Variants in CACNB2 observed in about 807,000 individuals in gnomAD.
The protein encoded by CACNB2 is calcium voltage-gated channel auxiliary subunit beta 2.
CACNB2 carries 42 observed loss-of-function variants against 73.3 expected under a neutral mutation model. That is an observed-to-expected ratio of 0.57 (90% CI 0.45 to 0.74). The LOEUF (loss-of-function observed/expected upper bound fraction) is 0.74, where lower values mean the gene tolerates loss of function less well. Ranked by LOEUF, CACNB2 falls within the 30% of genes least tolerant of loss-of-function variation. CACNB2 has a pLI of 0.00. For missense variants in CACNB2, 940 were observed against 853.0 expected, an observed-to-expected ratio of 1.10 and a Z score of -1.27; for synonymous variants, 348 against 310.3, an observed-to-expected ratio of 1.12 and a Z score of -1.28.
chr10:18,478,838 G>A (rs2048573104), intron 3 of CACNB2, among the ~76,000 whole-genome samples: 1 of 152,166 alleles, frequency 6.6e-6, no homozygotes, highest in African/African-American at 2.4e-5. Flanking sequence ...AGGGGAAGCA[G>A]AAACCATTGG....
intron 12 of CACNB2, 75 bp downstream of exon 12, chr10:18,536,271 T>G: frequency 5.5e-6 from 2 of 363,706 alleles, no homozygotes; most frequent in Non-Finnish European, 9.4e-6. Context: ...TTTTTTTTTT[T>G]TTGGGGGACA....
At chr10:18,228,434 AAAAAAAAAAAAAAAAG>A (rs1416174993) in intron 2 of CACNB2, among the ~76,000 whole-genome samples, 26 of 70,264 alleles carry the variant, frequency 3.7e-4, no homozygotes, top group African/African-American at 1.5e-3. Context: ...ACTCTACCTC[AAAAAAAAAAAAAAAAG>A]AAAAAAAAAA....
At chr10:18,216,969 C>A (rs74117916) in intron 2 of CACNB2, among the ~76,000 whole-genome samples, 1 of 152,144 alleles carries the variant, frequency 6.6e-6, no homozygotes, top group Non-Finnish European at 1.5e-5. Context: ...TATTTTCTAG[C>A]AATAACCCAG....
intron 2 of CACNB2, among the ~76,000 whole-genome samples, chr10:18,191,383 T>C (rs1318889272): frequency 6.6e-6 from 1 of 152,230 alleles, no homozygotes; most frequent in African/African-American, 2.4e-5. Context: ...GCTTCTTGTT[T>C]CAGTGATTGA....
At chr10:18,352,632 C>T (rs960287914) in intron 2 of CACNB2, among the ~76,000 whole-genome samples, 8 of 152,136 alleles carry the variant, frequency 5.3e-5, no homozygotes, top group Admixed American at 1.3e-4. Context: ...TTCAAAAGTG[C>T]GTACTTAATT....
At chr10:18,196,564 C>G (rs371297203) in intron 2 of CACNB2, among the ~76,000 whole-genome samples, 1 of 152,078 alleles carries the variant, frequency 6.6e-6, no homozygotes, top group East Asian at 1.9e-4. Flanking sequence ...GTGATCTGTC[C>G]ACCTCAACCT....
chr10:18,524,976 G>A (rs1466769445), intron 9 of CACNB2, among the ~76,000 whole-genome samples: 1 of 145,500 alleles, frequency 6.9e-6, no homozygotes, highest in Non-Finnish European at 1.5e-5. Flanking sequence ...GCTGCAGTGA[G>A]CTATGATTAC....
intron 3 of CACNB2, among the ~76,000 whole-genome samples, chr10:18,490,256 T>C (rs112882630): frequency 7.2e-5 from 11 of 152,360 alleles, no homozygotes; most frequent in African/African-American, 2.4e-4. Flanking sequence ...TTTGAGGATC[T>C]GTTCGGCTTT....
At chr10:18,492,165 T>A (rs996223853) in intron 3 of CACNB2, among the ~76,000 whole-genome samples, 25 of 151,962 alleles carry the variant, frequency 1.6e-4, no homozygotes, top group Non-Finnish European at 2.9e-5. Context: ...TTATGAGAAG[T>A]CTTATCATGA....
chr10:18,208,774 A>C (rs996244859), intron 2 of CACNB2, among the ~76,000 whole-genome samples: 1 of 152,024 alleles, frequency 6.6e-6, no homozygotes, highest in African/African-American at 2.4e-5. Flanking sequence ...TGGAAAGGCA[A>C]CTCTTAAGCA....
At chr10:18,245,291 G>A (rs2036817534) in intron 2 of CACNB2, among the ~76,000 whole-genome samples, 1 of 152,096 alleles carries the variant, frequency 6.6e-6, no homozygotes, top group Admixed American at 6.5e-5. Context: ...CTGCTGTAAG[G>A]AAACCTGCAG....
intron 2 of CACNB2, among the ~76,000 whole-genome samples, chr10:18,288,045 A>T (rs1342058939): frequency 6.6e-6 from 1 of 152,048 alleles, no homozygotes; most frequent in Non-Finnish European, 1.5e-5. Flanking sequence ...CCCTCTGTGC[A>T]GGTCTGTCTC....
chr10:18,516,017 C>T (rs1367132407), intron 7 of CACNB2, among the ~76,000 whole-genome samples: 1 of 152,094 alleles, frequency 6.6e-6, no homozygotes, highest in East Asian at 1.9e-4. Context: ...GTTTTGAGAC[C>T]AGCCTGGCCA....
At chr10:18,401,173 G>A in intron 2 of CACNB2, 1 of 1,558,008 alleles carries the variant, frequency 6.4e-7, no homozygotes, top group Non-Finnish European at 8.8e-7. Flanking sequence ...AGTGAGTGCA[G>A]GTAGAGAGGG....
chr10:18,168,497 T>TTGTGTGTGTGTG lies in CACNB2; in HGVS notation c.213+17533_213+17544dup, dbSNP rs111401264. 7.0e-3 allele frequency among the ~76,000 whole-genome samples: 1,051 copies of TTGTGTGTGTGTG among 149,936 alleles called. 6 individuals carry two copies. The highest frequency in any genetic ancestry group is 0.011 in the Non-Finnish European group (710 of 67,296). On this transcript the variant is annotated intron_variant, in intron 2 of 13. Transcript: ENST00000324631. ...CTAGATTTACATCTTTCTTCCTTCT[T>TTGTGTGTGTGTG]TGTGTGTGTGTGTGTGTGTGTGAGT...
chr10:18,177,893 G>A (rs952695020), intron 2 of CACNB2, among the ~76,000 whole-genome samples: 1 of 152,172 alleles, frequency 6.6e-6, no homozygotes, highest in African/African-American at 2.4e-5. Context: ...TTTCCATTTG[G>A]CATAGTGAGT....
intron 2 of CACNB2, among the ~76,000 whole-genome samples, chr10:18,191,799 G>A (rs1757246): frequency 0.83 from 125,769 of 151,836 alleles, 53,055 homozygotes; most frequent in Non-Finnish European, 0.9. Flanking sequence ...GTAGTATTCA[G>A]TTGTATAAAT....
chr10:18,494,415 G>A (rs2049649034), intron 3 of CACNB2, among the ~76,000 whole-genome samples: 1 of 152,016 alleles, frequency 6.6e-6, no homozygotes, highest in African/African-American at 2.4e-5. Context: ...GGATCACAAG[G>A]TCAGGAGATC....
intron 2 of CACNB2, among the ~76,000 whole-genome samples, chr10:18,181,464 A>G (rs17605553): frequency 0.074 from 11,276 of 152,156 alleles, 481 homozygotes; most frequent in South Asian, 0.12. Flanking sequence ...GAAGTCTGCT[A>G]AAGTTAGCCC....
Sources: allele counts gnomAD v4.1 joint callset (sites outside exome capture counted in the v4.1 genomes callset), GRCh38; gene constraint gnomAD v4.1.1; transcripts MANE v1.5; gene names NCBI Gene and HGNC (gene_info 2026-07-23, HGNC 2026-07-21).